The following AK8 variants were observed in gnomAD, a reference collection of about 807,000 sequenced individuals.
The protein encoded by AK8 is adenylate kinase 8.
In AK8, 44 loss-of-function variants were observed where a neutral mutation model predicts 54.6. That is an observed-to-expected ratio of 0.81 (90% CI 0.63 to 1.04). The LOEUF (loss-of-function observed/expected upper bound fraction) is 1.04, where lower values mean the gene tolerates loss of function less well. Ranked by LOEUF, AK8 falls within the 50% of genes least tolerant of loss-of-function variation. AK8 has a pLI of 0.00. For synonymous variants in AK8, 239 were observed against 245.6 expected (o/e 0.97, Z 0.25); for missense variants, 555 against 613.6 (o/e 0.90, Z 1.01).
intron 10 of AK8, among the ~76,000 whole-genome samples, chr9:132,800,304 C>A (rs1840382052): frequency 6.6e-6 from 1 of 152,186 alleles, no homozygotes. Flanking sequence ...GTTGGTGATG[C>A]CGTTTGTTTG....
intron 11 of AK8, among the ~76,000 whole-genome samples, chr9:132,733,524 G>C (rs1180005508): frequency 6.6e-6 from 1 of 152,260 alleles, no homozygotes; most frequent in Admixed American, 6.5e-5. Context: ...GGAATGGCTT[G>C]TGAAAGGCTG....
chr9:132,759,525 A>G (rs1838351882), intron 11 of AK8, among the ~76,000 whole-genome samples: 1 of 152,240 alleles, frequency 6.6e-6, no homozygotes. Context: ...TCCCAAGATC[A>G]TAAGATAGTT....
chr9:132,844,696 C>T (rs1324974842), intron 5 of AK8, among the ~76,000 whole-genome samples: 1 of 152,180 alleles, frequency 6.6e-6, no homozygotes, highest in Admixed American at 6.5e-5. Context: ...TTTCTTTACT[C>T]TGCAGGTAAC....
chr9:132,761,253 TC>T (rs1838449589), intron 11 of AK8, among the ~76,000 whole-genome samples: 1 of 139,164 alleles, frequency 7.2e-6, no homozygotes, highest in African/African-American at 3.1e-5. Context: ...ATTTCTTTTT[TC>T]TTTTCTTTTC....
chr9:132,807,901 G>A (rs189636350), intron 10 of AK8, among the ~76,000 whole-genome samples: 1 of 152,170 alleles, frequency 6.6e-6, no homozygotes, highest in Admixed American at 6.5e-5. Context: ...GAGCTATGGG[G>A]AAGGAGCTGA....
intron 11 of AK8, among the ~76,000 whole-genome samples, chr9:132,786,549 C>T (rs1015343313): frequency 5.3e-5 from 8 of 152,074 alleles, no homozygotes; most frequent in African/African-American, 1.4e-4. Context: ...TCTGGGGAAT[C>T]GGAGCAGCCC....
rs1273862968 is a variant in AK8 at position 132,872,921 on chromosome 9, C to T, written c.169+2194G>A. ...CCGCCTCCTGGGTTCACACCATTCT[C>T]CCGCCTCAGCCTCCCCAGTAGCTGG... On this transcript the variant is annotated intron_variant, in intron 2 of 12. Coordinates refer to ENST00000298545, the MANE Select transcript of AK8 (RefSeq NM_152572.3). 3.3e-5 allele frequency among the ~76,000 whole-genome samples: 5 copies of T among 152,238 alleles called. No individual in the cohort carries two copies. The East Asian group carries it at 9.6e-4, about 29-fold the overall frequency.
intron 5 of AK8, among the ~76,000 whole-genome samples, chr9:132,849,423 G>A (rs1842881903): frequency 6.6e-6 from 1 of 152,100 alleles, no homozygotes; most frequent in African/African-American, 2.4e-5. Context: ...TCAGAGCTGA[G>A]TCGTTGTGAC....
At chr9:132,813,876 AC>A (rs1363038660) in intron 10 of AK8, among the ~76,000 whole-genome samples, 2 of 152,220 alleles carry the variant, frequency 1.3e-5, no homozygotes, top group African/African-American at 4.8e-5. Flanking sequence ...ACTGCTGAGG[AC>A]CAATGCCGGT....
At chr9:132,797,600 AG>A (rs34936073) in intron 10 of AK8, among the ~76,000 whole-genome samples, 32,997 of 152,050 alleles carry the variant, frequency 0.22, 3,892 homozygotes, top group East Asian at 0.43. Context: ...AGATGCAACA[AG>A]GGTGGCCACA....
intron 4 of AK8, among the ~76,000 whole-genome samples, chr9:132,857,965 C>G (rs892237169): frequency 1.3e-5 from 2 of 152,226 alleles, no homozygotes; most frequent in African/African-American, 4.8e-5. Flanking sequence ...AGCCTCCCTC[C>G]TTGCAGAGCA....
intron 11 of AK8, among the ~76,000 whole-genome samples, chr9:132,731,683 G>T (rs558898082): frequency 5.3e-5 from 8 of 152,202 alleles, no homozygotes; most frequent in Non-Finnish European, 1.0e-4. Context: ...TCCTATTTAT[G>T]CAACTGCATT....
At chr9:132,866,987 AACATG>A (rs1564447189) in intron 2 of AK8, 34 bp from the exon 3 acceptor site, 1 of 1,608,566 alleles carries the variant, frequency 6.2e-7, no homozygotes, top group African/African-American at 1.3e-5. Context: ...GTCACCACTC[AACATG>A]ACAAGCAGCC....
Position 132,791,270 on chromosome 9 carries a change from A to ATC in AK8, c.1121+1362_1121+1363dup, listed in dbSNP as rs1839936865. On this transcript the variant is annotated intron_variant, in intron 11 of 12. Coordinates refer to ENST00000298545, the MANE Select transcript of AK8 (RefSeq NM_152572.3). This position sits in a 1 kb window ranked among gnomAD's most constrained non-coding sequence, Gnocchi z 4.0. ...GGGGGAGGTGCCACACTTTAAAACC[A>ATC]TCAGATCTCGTGAGAACTCATTCAC... Among the ~76,000 whole-genome samples the ATC allele has an allele frequency of 6.6e-6, 1 of 152,192 alleles. No homozygotes were observed. Among genetic ancestry groups the ATC allele is most frequent in the South Asian group, 2.1e-4 (1 of 4,828 alleles).
At chr9:132,794,287 A>C (rs1231948137) in intron 10 of AK8, among the ~76,000 whole-genome samples, 2 of 152,164 alleles carry the variant, frequency 1.3e-5, no homozygotes, top group Non-Finnish European at 2.9e-5. Flanking sequence ...GGGGCTCCCC[A>C]GTGCTCCGAG....
chr9:132,746,201 C>T (rs1265437989), intron 11 of AK8, among the ~76,000 whole-genome samples: 1 of 152,128 alleles, frequency 6.6e-6, no homozygotes, highest in Non-Finnish European at 1.5e-5. Context: ...TGGCATTCAC[C>T]TGAGCCAAGC....
chr9:132,755,619 A>G (rs1364521391), intron 11 of AK8, among the ~76,000 whole-genome samples: 2 of 152,062 alleles, frequency 1.3e-5, no homozygotes, highest in African/African-American at 4.8e-5. Flanking sequence ...TGATCTTCCT[A>G]TTTGCTGAGA....
At chr9:132,809,830 A>G (rs1332939428) in intron 10 of AK8, among the ~76,000 whole-genome samples, 1 of 152,222 alleles carries the variant, frequency 6.6e-6, no homozygotes, top group Non-Finnish European at 1.5e-5. Flanking sequence ...CCAATGCTCA[A>G]TTCGGGAAGG....
intron 9 of AK8, among the ~76,000 whole-genome samples, chr9:132,817,848 C>T (rs982836193): frequency 6.6e-6 from 1 of 152,174 alleles, no homozygotes; most frequent in Non-Finnish European, 1.5e-5. Context: ...TTAAAAATTT[C>T]AGCCCACACA....
Sources: gnomAD v4.1 joint callset for allele counts (sites outside exome capture counted in the v4.1 genomes callset) on GRCh38, gnomAD v4.1.1 for gene constraint, Gnocchi (gnomAD v3.1) non-coding constraint, MANE v1.5 for transcripts, NCBI Gene and HGNC (gene_info 2026-07-23, HGNC 2026-07-21) for gene names.